NXN: variants seen among roughly 807,000 people sequenced by gnomAD.
The protein encoded by NXN is nucleoredoxin.
A neutral mutation model predicts 48.6 loss-of-function variants in NXN; 16 were observed. That is an observed-to-expected ratio of 0.33 (90% CI 0.22 to 0.50). NXN has a LOEUF of 0.50. NXN is among the 20% of genes least tolerant of loss of function. The pLI, the probability that NXN is intolerant of heterozygous loss-of-function variation, is 0.98. For missense variants in NXN, 492 were observed against 605.5 expected (o/e 0.81, Z 1.97); for synonymous variants, 281 against 269.6 (o/e 1.04, Z -0.41).
intron 1 of NXN, among the ~76,000 whole-genome samples, chr17:858,167 C>T (rs899322587): frequency 6.6e-6 from 1 of 151,948 alleles, no homozygotes; most frequent in East Asian, 2.0e-4. Context: ...GACGACGTTT[C>T]ACCATGTTGC....
At chr17:869,689 G>A (rs1441587319) in intron 1 of NXN, among the ~76,000 whole-genome samples, 1 of 152,258 alleles carries the variant, frequency 6.6e-6, no homozygotes, top group Non-Finnish European at 1.5e-5. Flanking sequence ...AGTTCTGTAA[G>A]TTCCCTGGAG....
chr17:912,119 G>A (rs2068642451), intron 1 of NXN, among the ~76,000 whole-genome samples: 2 of 151,610 alleles, frequency 1.3e-5, no homozygotes, highest in Admixed American at 1.3e-4. Flanking sequence ...TCTATTTTTA[G>A]TGGAGATGGG....
At chr17:829,970 C>T (rs980331714) in intron 1 of NXN, among the ~76,000 whole-genome samples, 2 of 152,114 alleles carry the variant, frequency 1.3e-5, no homozygotes, top group Non-Finnish European at 2.9e-5. Context: ...GATTTACAAT[C>T]CTTTGGGTAT....
intron 1 of NXN, among the ~76,000 whole-genome samples, chr17:859,211 C>G (rs112773032): frequency 6.6e-6 from 1 of 152,170 alleles, no homozygotes; most frequent in African/African-American, 2.4e-5. Flanking sequence ...AGCCCACAAC[C>G]ATATTTCATG....
At chr17:864,199 A>C (rs2068074494) in intron 1 of NXN, 1 of 1,234,126 alleles carries the variant, frequency 8.1e-7, no homozygotes, top group South Asian at 1.6e-5. Flanking sequence ...GTTCCGGTGA[A>C]GGGCACAGGA....
chr17:891,812 T>C (rs915196532), intron 1 of NXN, among the ~76,000 whole-genome samples: 1 of 123,692 alleles, frequency 8.1e-6, no homozygotes, highest in African/African-American at 2.8e-5. Flanking sequence ...AACCCCACCA[T>C]GCACAACCCA....
At chr17:940,216 G>C (rs555451474) in intron 1 of NXN, among the ~76,000 whole-genome samples, 66 of 151,716 alleles carry the variant, frequency 4.4e-4, no homozygotes, top group Middle Eastern at 6.8e-3. Flanking sequence ...TTACAGGCAT[G>C]AGCCACTGTG....
At chr17:832,134 C>G (rs754692179) in intron 1 of NXN, among the ~76,000 whole-genome samples, 1 of 151,606 alleles carries the variant, frequency 6.6e-6, no homozygotes, top group African/African-American at 2.4e-5. Context: ...TTAAGCACCC[C>G]TATTACCCTT....
At chr17:842,804 T>C (rs12945221) in intron 1 of NXN, among the ~76,000 whole-genome samples, 1 of 152,072 alleles carries the variant, frequency 6.6e-6, no homozygotes, top group Non-Finnish European at 1.5e-5. Context: ...CTGGGCGTGG[T>C]TGCACACGCC....
Position 820,951 on chromosome 17 carries a change from ACTG to A in NXN, c.713+1403_713+1405del, listed in dbSNP as rs1312040824. 5.5e-5 allele frequency among the ~76,000 whole-genome samples: 4 copies of A among 72,122 alleles called. 2 individuals are homozygous for A. The highest frequency in any genetic ancestry group is 3.3e-4 in the African/African-American group (4 of 12,014). 47.3% of individuals were successfully genotyped at this position (72,122 alleles called of 152,430 possible). Reference sequence around the variant, plus strand: ...AAAAAAAAAAAAAACAAAAAAAAAAACTGACTGCTGCACCTGGCACGGCTTCAC... The same window carrying A: ...AAAAAAAAAAAAAACAAAAAAAAAAAACTGCTGCACCTGGCACGGCTTCAC... On this transcript the variant is annotated intron_variant, in intron 4 of 7. Transcript: ENST00000336868.
Position 971,813 on chromosome 17 carries a change from A to T in NXN, c.360+7506T>A, listed in dbSNP as rs2052562192. Among the ~76,000 whole-genome samples the T allele has an allele frequency of 2.0e-5, 3 of 152,362 alleles. No homozygotes were observed. In the South Asian group the frequency reaches 6.2e-4, roughly 32 times the overall value. ...AAACGGTAAATTCAATGCAACACAG[A>T]AAACTAAGCACCTTGGTGGTTCACA... On this transcript the variant is annotated intron_variant, in intron 1 of 7. Transcript: ENST00000336868.
intron 1 of NXN, among the ~76,000 whole-genome samples, chr17:840,415 T>C (rs558629863): frequency 5.5e-4 from 83 of 151,994 alleles, no homozygotes; most frequent in Admixed American, 1.3e-4. Context: ...TCTCGGCTCA[T>C]TGCAAGCTCC....
rs1481724710 is a variant in NXN, at chr17:958,698, G to C, written c.360+20621C>G. On this transcript the variant is annotated intron_variant, in intron 1 of 7. Transcript: ENST00000336868. The surrounding 1 kb of genome is among the most constrained non-coding windows in gnomAD (Gnocchi z 6.9). ...AGGCAGGAGAATCACCGAGGCGGAG[G>C]TAGAAGTGAGCCCAGATTGTGCCAC... Among the ~76,000 whole-genome samples the C allele has an allele frequency of 6.6e-6, 1 of 152,118 alleles. No homozygotes were observed. The highest frequency in any genetic ancestry group is 1.5e-5 in the Non-Finnish European group (1 of 68,032).
Position 915,489 on chromosome 17 carries a change from T to C in NXN, c.360+63830A>G, listed in dbSNP as rs144917501. 9.4e-3 allele frequency among the ~76,000 whole-genome samples: 1,433 copies of C among 151,770 alleles called. 21 individuals are homozygous for C. Among genetic ancestry groups the C allele is most frequent in the African/African-American group, 0.033 (1,356 of 41,438 alleles). On this transcript the variant is annotated intron_variant, in intron 1 of 7. Coordinates refer to ENST00000336868, the MANE Select transcript of NXN (RefSeq NM_022463.5). ...TTGTAAAGACTGGGTTTTGCCATGT[T>C]GCCCAGACTGGTCTCAAACTCTTGG...
rs554062459 is a variant in NXN at position 821,526 on chromosome 17, G to A, written c.713+831C>T. Reference sequence around the variant, plus strand: ...TAATCCCAGCATTTTGGGAGGCCAAGGCAGGAGGATCACGGGGTCAGGAGA... The same window carrying A: ...TAATCCCAGCATTTTGGGAGGCCAAAGCAGGAGGATCACGGGGTCAGGAGA... On this transcript the variant is annotated intron_variant, in intron 4 of 7. Coordinates refer to ENST00000336868, the MANE Select transcript of NXN (RefSeq NM_022463.5). Among the ~76,000 whole-genome samples, 3 of 78,770 alleles carry A rather than the reference G, an allele frequency of 3.8e-5. 1 individual carries two copies. In the South Asian group the frequency reaches 1.1e-3, roughly 30 times the overall value. The allele number at this position is 78,770 out of a possible 152,430, so 51.7% of individuals were successfully genotyped here. A position where few individuals can be genotyped will look rare whatever the true frequency, so the allele number is the denominator to read the frequency against.
In NXN at chr17:822,386, G is replaced by C. The variant is rs903991084; in HGVS notation, c.684C>G (p.Asn228Lys). 5 of 1,614,104 alleles carry C rather than the reference G, an allele frequency of 3.1e-6. 1 individual carries two copies. The highest frequency in any genetic ancestry group is 1.6e-4 in the Middle Eastern group (1 of 6,062). The change falls in exon 4 of 8, where the codon AAC (asparagine) becomes AAG (lysine). Residue 228 changes from asparagine (N) to lysine (K), a missense_variant. This residue lies in a region of NXN where 303 missense variants were observed against 388.3 expected (regional missense o/e 0.78). Coordinates refer to ENST00000336868, the MANE Select transcript of NXN (RefSeq NM_022463.5). The part of the protein sequence containing the change: ...SYRKIKEAGQ[N>K]FEIIFVSADR... ...CTGCACTAACGAAGATGATCTCGAA[G>C]TTCTGGCCTGCCTCCTTGATCTTCC...
At chr17:957,142 C>CA (rs1555520386) in intron 1 of NXN, among the ~76,000 whole-genome samples, 1 of 151,774 alleles carries the variant, frequency 6.6e-6, no homozygotes, top group Non-Finnish European at 1.5e-5. Flanking sequence ...GACAAGGCAA[C>CA]AACGTGCAAA....
At chr17:909,283 C>T (rs1204281203) in intron 1 of NXN, among the ~76,000 whole-genome samples, 1 of 152,028 alleles carries the variant, frequency 6.6e-6, no homozygotes, top group Non-Finnish European at 1.5e-5. Context: ...AAATTACAAA[C>T]ACTTATAAAG....
At chr17:831,592 C>T (rs1309444934) in intron 1 of NXN, among the ~76,000 whole-genome samples, 1 of 151,982 alleles carries the variant, frequency 6.6e-6, no homozygotes, top group Non-Finnish European at 1.5e-5. Context: ...CTCCACCTCC[C>T]AGGTTCAAGC....
Sources: gnomAD v4.1 joint callset for allele counts (sites outside exome capture counted in the v4.1 genomes callset) on GRCh38, gnomAD v4.1.1 for gene constraint, gnomAD v4.1.1 regional missense constraint, Gnocchi (gnomAD v3.1) non-coding constraint, MANE v1.5 for transcripts, NCBI Gene and HGNC (gene_info 2026-07-23, HGNC 2026-07-21) for gene names.